Variants in NAALADL2 observed in about 807,000 individuals in gnomAD.
NAALADL2 encodes the protein N-acetylated alpha-linked acidic dipeptidase like 2.
In NAALADL2, 76 loss-of-function variants were observed where a neutral mutation model predicts 87.2. The observed-to-expected ratio is 0.87, with a 90% CI of 0.72 to 1.05. The LOEUF (loss-of-function observed/expected upper bound fraction) is 1.05, where lower values mean the gene tolerates loss of function less well. Among genes scored for constraint, NAALADL2 ranks in the 50% least tolerant of loss-of-function variants. The pLI is 0.00. For synonymous variants in NAALADL2, 354 were observed against 331.0 expected (o/e 1.07, Z -0.75); for missense variants, 1,089 against 945.8 (o/e 1.15, Z -1.99).
intron 1 of NAALADL2, among the ~76,000 whole-genome samples, chr3:174,503,871 A>G (rs1418405409): frequency 6.6e-6 from 1 of 152,116 alleles, no homozygotes; most frequent in Admixed American, 6.5e-5. Context: ...TTCTTTCAAA[A>G]TTCTTCTAAT....
At chr3:175,784,413 C>A (rs1275982007) in intron 13 of NAALADL2, among the ~76,000 whole-genome samples, 1 of 148,016 alleles carries the variant, frequency 6.8e-6, no homozygotes, top group African/African-American at 2.5e-5. Context: ...GATTCAACTT[C>A]TTCCTGGTTT....
At chr3:174,820,389 A>G (rs2109329024) in intron 3 of NAALADL2, among the ~76,000 whole-genome samples, 1 of 152,322 alleles carries the variant, frequency 6.6e-6, no homozygotes, top group African/African-American at 2.4e-5. Context: ...TTATAAACAC[A>G]CCACATATAC....
At chr3:174,730,828 A>G (rs983424037) in intron 2 of NAALADL2, among the ~76,000 whole-genome samples, 9 of 152,110 alleles carry the variant, frequency 5.9e-5, no homozygotes, top group Non-Finnish European at 1.3e-4. Context: ...CTTTCCACTT[A>G]TCAATAACTC....
intron 4 of NAALADL2, among the ~76,000 whole-genome samples, chr3:175,259,244 A>G (rs1750607218): frequency 6.6e-6 from 1 of 152,160 alleles, no homozygotes; most frequent in Non-Finnish European, 1.5e-5. Context: ...TATAGTTAAT[A>G]CATTGGGAAG....
chr3:175,359,863 A>C (rs1198260071), intron 5 of NAALADL2, among the ~76,000 whole-genome samples: 2 of 152,144 alleles, frequency 1.3e-5, no homozygotes, highest in African/African-American at 4.8e-5. Flanking sequence ...TGAAGAAAGG[A>C]GGGAGGAAGA....
chr3:174,591,909 A>G (rs965280354), intron 2 of NAALADL2, among the ~76,000 whole-genome samples: 1 of 152,048 alleles, frequency 6.6e-6, no homozygotes, highest in Non-Finnish European at 1.5e-5. Context: ...TTTGTTTGCC[A>G]TAATACCCTA....
At chr3:175,225,889 A>C (rs1744086806) in intron 2 of NAALADL2, among the ~76,000 whole-genome samples, 1 of 152,072 alleles carries the variant, frequency 6.6e-6, no homozygotes, top group East Asian at 1.9e-4. Flanking sequence ...CTCCTGCACA[A>C]ATGTGTGCAA....
At chr3:175,574,920 C>G (rs1718637108) in intron 9 of NAALADL2, among the ~76,000 whole-genome samples, 1 of 152,142 alleles carries the variant, frequency 6.6e-6, no homozygotes, top group Non-Finnish European at 1.5e-5. Flanking sequence ...GTCTCATTTT[C>G]TCACAACTGT....
In NAALADL2 at chr3:175,340,835, T is replaced by C. The variant is rs1345370989; in HGVS notation, c.1090+16510T>C. Among the ~76,000 whole-genome samples the C allele has an allele frequency of 2.0e-5, 3 of 152,134 alleles. No individual in the cohort carries two copies. The East Asian group carries it at 5.8e-4, about 29-fold the overall frequency. ...AAGCACAAGGAGACAAAACAAAGAG[T>C]CCCTCTATTGGAGAAGCCAAAGATC... On this transcript the variant is annotated intron_variant, in intron 5 of 13. Transcript: ENST00000454872.
At chr3:175,797,727 T>A (rs938278844) in intron 13 of NAALADL2, among the ~76,000 whole-genome samples, 4 of 152,130 alleles carry the variant, frequency 2.6e-5, no homozygotes, top group African/African-American at 9.6e-5. Flanking sequence ...CTTTTAACTC[T>A]GTTTGACCAA....
intron 11 of NAALADL2, among the ~76,000 whole-genome samples, chr3:175,691,927 C>T (rs771713056): frequency 2.9e-4 from 44 of 152,186 alleles, no homozygotes; most frequent in Middle Eastern, 3.4e-3. Flanking sequence ...CTGCATTTTA[C>T]GGTAAACCTT....
At chr3:174,858,177 A>C (rs145998420), upstream of NAALADL2, among the ~76,000 whole-genome samples, 513 of 147,874 alleles carry the variant, frequency 3.5e-3, 1 homozygote, top group Non-Finnish European at 5.4e-3. Context: ...TTAAATATAT[A>C]ATATATAATT....
chr3:175,004,464 C>T (rs559763969), intron 1 of NAALADL2, among the ~76,000 whole-genome samples: 25 of 144,526 alleles, frequency 1.7e-4, no homozygotes, highest in African/African-American at 6.0e-4. Context: ...GAGTGTGTGG[C>T]GTTTGTTTAA....
At chr3:175,674,859 C>T (rs1484079943) in intron 11 of NAALADL2, among the ~76,000 whole-genome samples, 3 of 152,034 alleles carry the variant, frequency 2.0e-5, no homozygotes, top group Admixed American at 6.6e-5. Context: ...TTTGTGAAAA[C>T]GCTACTGTAT....
chr3:174,569,575 T>C (rs567374184), intron 2 of NAALADL2, among the ~76,000 whole-genome samples: 12 of 152,134 alleles, frequency 7.9e-5, no homozygotes, highest in Non-Finnish European at 1.6e-4. Context: ...TCTTTGCATG[T>C]CTAATAACTT....
chr3:175,367,775 T>C (rs1219357374), intron 5 of NAALADL2, among the ~76,000 whole-genome samples: 1 of 152,214 alleles, frequency 6.6e-6, no homozygotes, highest in Non-Finnish European at 1.5e-5. Context: ...TGGGGTTTTC[T>C]AGATGTACAA....
intron 9 of NAALADL2, among the ~76,000 whole-genome samples, chr3:175,481,057 A>T (rs945449723): frequency 2.0e-5 from 3 of 151,802 alleles, no homozygotes; most frequent in Non-Finnish European, 2.9e-5. Flanking sequence ...GGGAAATGCG[A>T]TCTGTAATTT....
chr3:175,101,923 A>G (rs1722277626), intron 2 of NAALADL2, among the ~76,000 whole-genome samples: 2 of 144,590 alleles, frequency 1.4e-5, no homozygotes, highest in African/African-American at 5.6e-5. Context: ...AGAAAATTAT[A>G]AAGAATAAAG....
At chr3:174,681,874 T>C (rs888057590) in intron 2 of NAALADL2, among the ~76,000 whole-genome samples, 3 of 152,294 alleles carry the variant, frequency 2.0e-5, no homozygotes, top group African/African-American at 7.2e-5. Flanking sequence ...TTTGATTGCA[T>C]TTCTGGACCT....
Sources: allele counts gnomAD v4.1 joint callset (sites outside exome capture counted in the v4.1 genomes callset), GRCh38; gene constraint gnomAD v4.1.1; transcripts MANE v1.5; gene names NCBI Gene and HGNC (gene_info 2026-07-23, HGNC 2026-07-21).